Variants in RIT2 observed in about 807,000 individuals in gnomAD.
The protein encoded by RIT2 is GTP-binding protein Rit2.
In RIT2, 24 loss-of-function variants were observed where a neutral mutation model predicts 23.7. The observed-to-expected ratio is 1.01, with a 90% CI of 0.73 to 1.43. The LOEUF is 1.43. Ranked by LOEUF, RIT2 falls within the 40% of genes most tolerant of loss-of-function variation. The pLI is 0.00. For synonymous variants in RIT2, 107 were observed against 91.1 expected, an observed-to-expected ratio of 1.17 and a Z score of -0.99; for missense variants, 236 against 266.9, an observed-to-expected ratio of 0.88 and a Z score of 0.81.
At position 43,115,526 on chromosome 18, in the gene RIT2, C is replaced by T; in HGVS notation, c.-7G>A. ...CTTCATTTTCTACCTCCATCTTACC[C>T]GAGGGACCGGAGGAAAAAAAGAAGG... On this transcript the variant is annotated 5_prime_UTR_variant, in exon 1 of 5. Transcript: ENST00000326695. The T allele has an allele frequency of 1.2e-6, 2 of 1,606,120 alleles. No individual in the cohort carries two copies. Among genetic ancestry groups the T allele is most frequent in the Non-Finnish European group, 1.7e-6 (2 of 1,177,860 alleles).
chr18:42,925,105 T>G (rs1598717193), intron 3 of RIT2, among the ~76,000 whole-genome samples: 1 of 152,100 alleles, frequency 6.6e-6, no homozygotes, highest in Non-Finnish European at 1.5e-5. Flanking sequence ...AAACTCATGT[T>G]ACCTGACTCA....
At chr18:42,806,164 A>G (rs1598661567) in intron 4 of RIT2, among the ~76,000 whole-genome samples, 1 of 149,356 alleles carries the variant, frequency 6.7e-6, no homozygotes. Context: ...CTTAAATTAA[A>G]CTGGCTTTTT....
chr18:43,071,596 A>G (rs1397616932), intron 1 of RIT2, among the ~76,000 whole-genome samples: 1 of 152,138 alleles, frequency 6.6e-6, no homozygotes, highest in African/African-American at 2.4e-5. Context: ...GGTTGTACAG[A>G]TATCTCAAGG....
At chr18:42,985,570 A>G (rs1910690444) in intron 2 of RIT2, among the ~76,000 whole-genome samples, 1 of 152,202 alleles carries the variant, frequency 6.6e-6, no homozygotes, top group South Asian at 2.1e-4. Context: ...CAGAATAGAG[A>G]ACCTACATAC....
chr18:43,078,494 C>T (rs1913076742), intron 1 of RIT2, among the ~76,000 whole-genome samples: 1 of 152,210 alleles, frequency 6.6e-6, no homozygotes, highest in Admixed American at 6.5e-5. Context: ...ACATTTAGAA[C>T]CTCTTTTTAT....
chr18:42,993,008 CAAT>C (rs1275166008), intron 2 of RIT2, among the ~76,000 whole-genome samples: 1 of 152,104 alleles, frequency 6.6e-6, no homozygotes, highest in African/African-American at 2.4e-5. Context: ...ACAAAGTGTA[CAAT>C]AATAGAAAAA....
At chr18:42,871,791 T>C (rs992149237) in intron 4 of RIT2, among the ~76,000 whole-genome samples, 4 of 152,242 alleles carry the variant, frequency 2.6e-5, no homozygotes, top group Admixed American at 2.6e-4. Flanking sequence ...AAATTTATCA[T>C]GTTACCTTAC....
At chr18:42,968,045 G>A (rs765404308) in intron 3 of RIT2, among the ~76,000 whole-genome samples, 13 of 152,056 alleles carry the variant, frequency 8.5e-5, no homozygotes, top group Non-Finnish European at 1.6e-4. Flanking sequence ...CTCCCATGTC[G>A]TGAAAGGGTT....
chr18:42,973,875 T>C (rs1211067674), intron 3 of RIT2, among the ~76,000 whole-genome samples, 199 bp downstream of exon 3: 3 of 150,638 alleles, frequency 2.0e-5, no homozygotes, highest in African/African-American at 5.0e-5. Context: ...ATGGACTCTT[T>C]TATTTTTAGA....
intron 4 of RIT2, among the ~76,000 whole-genome samples, chr18:42,906,932 T>C (rs1203071870): frequency 2.0e-5 from 3 of 152,196 alleles, no homozygotes; most frequent in Non-Finnish European, 4.4e-5. Flanking sequence ...AACTTCAGAA[T>C]CTGATGCCTT....
At chr18:42,904,955 TAGAA>T (rs1310837742) in intron 4 of RIT2, among the ~76,000 whole-genome samples, 1 of 152,172 alleles carries the variant, frequency 6.6e-6, no homozygotes, top group Admixed American at 6.6e-5. Context: ...AACTAGGACA[TAGAA>T]AGATGAATTT....
intron 4 of RIT2, among the ~76,000 whole-genome samples, chr18:42,833,235 A>C (rs1906509749): frequency 6.6e-6 from 1 of 152,144 alleles, no homozygotes; most frequent in Non-Finnish European, 1.5e-5. Context: ...ATGAGTGAGA[A>C]CATGTGATAT....
chr18:43,001,725 T>A (rs1307525639), intron 2 of RIT2, among the ~76,000 whole-genome samples: 1 of 152,066 alleles, frequency 6.6e-6, no homozygotes, highest in Non-Finnish European at 1.5e-5. Context: ...AAACATAATT[T>A]TCCTCATTTT....
intron 2 of RIT2, among the ~76,000 whole-genome samples, chr18:42,980,683 A>G (rs943265596): frequency 1.3e-5 from 2 of 152,156 alleles, no homozygotes. Context: ...GGCCTTGCCA[A>G]GAACAGAAAA....
At chr18:42,795,467 C>T (rs1049205027) in intron 4 of RIT2, among the ~76,000 whole-genome samples, 5 of 152,242 alleles carry the variant, frequency 3.3e-5, no homozygotes, top group African/African-American at 7.2e-5. Flanking sequence ...GCTGCCTTCC[C>T]GCGGGGCAGG....
intron 1 of RIT2, among the ~76,000 whole-genome samples, chr18:43,039,229 T>C (rs1469518720): frequency 1.3e-5 from 2 of 152,182 alleles, no homozygotes; most frequent in Admixed American, 1.3e-4. Flanking sequence ...AATATTTCAT[T>C]TAAGTACTTG....
chr18:43,089,550 A>G lies in RIT2; in HGVS notation c.103+25867T>C, dbSNP rs1007473142. Among the ~76,000 whole-genome samples, 5 of 150,408 alleles carry G rather than the reference A, an allele frequency of 3.3e-5. No homozygotes were observed. In the Admixed American group the frequency reaches 3.4e-4, roughly 10 times the overall value. ...ATTATAAAATTTACATGGAACCAAT[A>G]AGAGCTCAAATAGCCAAGACAATCC... On this transcript the variant is annotated intron_variant, in intron 1 of 4. Coordinates refer to ENST00000326695, the MANE Select transcript of RIT2 (RefSeq NM_002930.4).
intron 1 of RIT2, among the ~76,000 whole-genome samples, chr18:43,047,253 T>A (rs1328274413): frequency 6.6e-6 from 1 of 152,118 alleles, no homozygotes; most frequent in Admixed American, 6.6e-5. Flanking sequence ...TTTCACTCAT[T>A]TTGTCCCTCT....
At chr18:42,867,838 G>A (rs1390649043) in intron 4 of RIT2, among the ~76,000 whole-genome samples, 1 of 152,124 alleles carries the variant, frequency 6.6e-6, no homozygotes, top group Non-Finnish European at 1.5e-5. Context: ...ACGATTCTCA[G>A]CAATTTCAGT....
Sources: allele counts gnomAD v4.1 joint callset (sites outside exome capture counted in the v4.1 genomes callset), GRCh38; gene constraint gnomAD v4.1.1; transcripts MANE v1.5; gene names NCBI Gene and HGNC (gene_info 2026-07-23, HGNC 2026-07-21).